Variants in COG6 observed in about 807,000 individuals in gnomAD.
COG6 encodes the protein component of oligomeric golgi complex 6.
A neutral mutation model predicts 88.8 loss-of-function variants in COG6; 74 were observed. The ratio of observed to expected loss-of-function variants is 0.83; its 90% CI spans 0.69 to 1.01. The LOEUF is 1.01. Ranked by LOEUF, COG6 falls within the 50% of genes least tolerant of loss-of-function variation. COG6 has a pLI of 0.00. For synonymous variants in COG6, 286 were observed against 278.7 expected, an observed-to-expected ratio of 1.03 and a Z score of -0.26; for missense variants, 800 against 797.9, an observed-to-expected ratio of 1.00 and a Z score of -0.03.
chr13:39,710,879 A>G (rs1878202155), intron 13 of COG6, among the ~76,000 whole-genome samples: 1 of 151,808 alleles, frequency 6.6e-6, no homozygotes, highest in Non-Finnish European at 1.5e-5. Context: ...GTTTTTGACG[A>G]AAGAAAAATT....
intron 2 of COG6, 52 bp downstream of exon 2, chr13:39,659,559 G>C: frequency 6.8e-7 from 1 of 1,469,714 alleles, no homozygotes; most frequent in Non-Finnish European, 9.5e-7. Flanking sequence ...TATTACGCCT[G>C]GCTCTGTGCT....
At chr13:39,742,494 A>G (rs1321493176) in intron 18 of COG6, among the ~76,000 whole-genome samples, 1 of 152,080 alleles carries the variant, frequency 6.6e-6, no homozygotes, top group African/African-American at 2.4e-5. Context: ...ACAAAGATCA[A>G]AAGAGACAAA....
At chr13:39,713,219 A>G (rs776254325) in intron 13 of COG6, among the ~76,000 whole-genome samples, 4 of 152,190 alleles carry the variant, frequency 2.6e-5, no homozygotes, top group Admixed American at 2.6e-4. Context: ...GAATTTCTGT[A>G]TTATGATTAT....
At chr13:39,726,797 C>A (rs1879157181) in intron 17 of COG6, among the ~76,000 whole-genome samples, 2 of 151,976 alleles carry the variant, frequency 1.3e-5, no homozygotes, top group South Asian at 4.1e-4. Flanking sequence ...ACCTCCCCAC[C>A]CATCAATCCA....
intron 18 of COG6, among the ~76,000 whole-genome samples, chr13:39,784,448 C>T (rs544321926): frequency 6.6e-6 from 1 of 152,282 alleles, no homozygotes; most frequent in South Asian, 2.1e-4. Context: ...CAGTGTTCTG[C>T]ACCAGGGGCA....
chr13:39,767,220 G>T (rs1293490747), intron 18 of COG6, among the ~76,000 whole-genome samples: 3 of 152,162 alleles, frequency 2.0e-5, no homozygotes, highest in Non-Finnish European at 2.9e-5. Flanking sequence ...CAACAGAAAA[G>T]AAAATAACTC....
rs1337165051 is a variant in COG6, at chr13:39,696,592, CA to C, written c.1166+1868del. ...CATTTTGGAGGACTAGAAAGAAAAC[CA>C]GGAATTGGAGTGTAGTGAATTGGAA... On this transcript the variant is annotated intron_variant, in intron 12 of 18. Coordinates refer to ENST00000455146, the MANE Select transcript of COG6 (RefSeq NM_020751.3). 2.0e-5 allele frequency among the ~76,000 whole-genome samples: 3 copies of C among 151,610 alleles called. No homozygotes were observed. The East Asian group carries it at 5.9e-4, about 30-fold the overall frequency.
chr13:39,787,602 A>T (rs569486934), intron 18 of COG6, among the ~76,000 whole-genome samples: 2 of 152,160 alleles, frequency 1.3e-5, no homozygotes, highest in Non-Finnish European at 2.9e-5. Context: ...TTAACTATAT[A>T]TATATTTATG....
chr13:39,788,112 T>C (rs1323175729), intron 18 of COG6, among the ~76,000 whole-genome samples: 2 of 152,194 alleles, frequency 1.3e-5, no homozygotes, highest in East Asian at 1.9e-4. Context: ...TTAGAGCTTT[T>C]CCTGTGTGAC....
intron 1 of COG6, among the ~76,000 whole-genome samples, chr13:39,658,151 T>C (rs1835970135): frequency 6.6e-6 from 1 of 151,816 alleles, no homozygotes; most frequent in African/African-American, 2.4e-5. Context: ...AATATCTTTT[T>C]TTTTTTTTTG....
intron 1 of COG6, among the ~76,000 whole-genome samples, chr13:39,658,598 A>G (rs979826453): frequency 1.3e-5 from 2 of 152,202 alleles, no homozygotes; most frequent in Non-Finnish European, 2.9e-5. Context: ...ACTTTTATAA[A>G]TATAAATCGT....
intron 18 of COG6, among the ~76,000 whole-genome samples, chr13:39,786,971 A>G (rs943402853): frequency 6.6e-6 from 1 of 152,174 alleles, no homozygotes; most frequent in Non-Finnish European, 1.5e-5. Flanking sequence ...AATACTATTA[A>G]TCACATTATG....
chr13:39,754,380 ATAC>A (rs988180651), downstream of COG6, among the ~76,000 whole-genome samples: 17 of 152,194 alleles, frequency 1.1e-4, no homozygotes, highest in Non-Finnish European at 2.1e-4. Flanking sequence ...GAATAATATA[ATAC>A]TAATTTTATA....
At chr13:39,659,715 T>C (rs551504022) in intron 2 of COG6, among the ~76,000 whole-genome samples, 3 of 152,344 alleles carry the variant, frequency 2.0e-5, no homozygotes, top group Non-Finnish European at 4.4e-5. Context: ...ATATTAATTC[T>C]TAGAAAGTTA....
intron 6 of COG6, 82 bp downstream of exon 6, chr13:39,679,702 A>C (rs112016139): frequency 4.6e-6 from 4 of 862,294 alleles, no homozygotes; most frequent in Non-Finnish European, 8.0e-6. Context: ...TTTGTGAACT[A>C]TATAGCATTT....
At chr13:39,699,355 T>C (rs1877446717) in intron 12 of COG6, 146 bp from the exon 13 acceptor site, 1 of 545,990 alleles carries the variant, frequency 1.8e-6, no homozygotes, top group Non-Finnish European at 3.3e-6. Context: ...TTTTAAAATA[T>C]GAAACTAGAG....
At chr13:39,727,924 T>C (rs1164527688) in intron 18 of COG6, among the ~76,000 whole-genome samples, 2 of 152,168 alleles carry the variant, frequency 1.3e-5, no homozygotes, top group Non-Finnish European at 2.9e-5. Flanking sequence ...TTATAGACTA[T>C]TTTGAATCTA....
exon 19 of COG6, chr13:39,790,720 T>C (rs1881914902): frequency 6.6e-6 from 1 of 152,056 alleles, no homozygotes; most frequent in Non-Finnish European, 1.5e-5. Context: ...AATCTTCCTG[T>C]TTGAGATTGG....
At chr13:39,682,836 T>A in intron 8 of COG6, among the ~76,000 whole-genome samples, 1 of 152,114 alleles carries the variant, frequency 6.6e-6, no homozygotes, top group Admixed American at 6.5e-5. Context: ...TTTTAATTTT[T>A]ATAAAATAAA....
Sources: allele counts gnomAD v4.1 joint callset (sites outside exome capture counted in the v4.1 genomes callset), GRCh38; gene constraint gnomAD v4.1.1; transcripts MANE v1.5; gene names NCBI Gene and HGNC (gene_info 2026-07-23, HGNC 2026-07-21).